The following RYR2 variants were observed in gnomAD, a reference collection of about 807,000 sequenced individuals.
RYR2 encodes the protein cardiac muscle ryanodine receptor-calcium release channel.
In RYR2, 227 loss-of-function variants were observed where a neutral mutation model predicts 601.1. That is an observed-to-expected ratio of 0.38 (90% CI 0.34 to 0.42). RYR2 has a LOEUF of 0.42. RYR2 is among the 10% of genes least tolerant of loss of function. The probability of loss-of-function intolerance (pLI) is 1.00; values close to 1 mark genes in which losing one functional copy is unlikely to be tolerated. For missense variants in RYR2, 4,646 were observed against 6,156.5 expected (o/e 0.75, Z 8.21); for synonymous variants, 2,223 against 2,175.1 (o/e 1.02, Z -0.61).
chr1:237,049,981 A>G (rs1405862340), intron 1 of RYR2, among the ~76,000 whole-genome samples: 1 of 152,182 alleles, frequency 6.6e-6, no homozygotes, highest in African/African-American at 2.4e-5. Context: ...CTCAAAGCCC[A>G]TGTGGAAGGT....
rs1553284184 is a variant in RYR2, at chr1:237,081,280, T to TTAAAAA, written c.48+38711_48+38712insTAAAAA. Among the ~76,000 whole-genome samples, 42 of 56,118 alleles carry TTAAAAA rather than the reference T, an allele frequency of 7.5e-4. 3 individuals are homozygous for TTAAAAA. The highest frequency in any genetic ancestry group is 1.2e-3 in the African/African-American group (25 of 21,320). The allele number at this position is 56,118 out of a possible 152,430, so 36.8% of individuals were successfully genotyped here. A position where few individuals can be genotyped will look rare whatever the true frequency, so the allele number is the denominator to read the frequency against. ...ATGTACCCTAAAACTTAGAGTATAA[T>TTAAAAA]AAAAAAAAAAAAAAAAAAAAAAAGA... On this transcript the variant is annotated intron_variant, in intron 1 of 104. Coordinates refer to ENST00000366574, the MANE Select transcript of RYR2 (RefSeq NM_001035.3).
chr1:237,121,347 G>A (rs1274987609), intron 1 of RYR2, among the ~76,000 whole-genome samples: 4 of 152,124 alleles, frequency 2.6e-5, no homozygotes, highest in Admixed American at 2.6e-4. Context: ...ACGGTGGCTG[G>A]CACTTTCCAA....
Position 237,633,874 on chromosome 1 carries a change from T to A in RYR2, c.6688+164T>A, listed in dbSNP as rs973160326. The stretch of plus-strand genomic sequence containing the variant: ...TATATGAAAAAATACTCGACATCAC[T>A]CATCATCAGCAAAGTGCAAATTGAA... On this transcript the variant is annotated intron_variant, in intron 43 of 104. Transcript: ENST00000366574. Among the ~76,000 whole-genome samples, 3 of 152,102 alleles carry A rather than the reference T, an allele frequency of 2.0e-5. No individual in the cohort carries two copies. In the East Asian group the frequency reaches 5.8e-4, roughly 29 times the overall value.
rs2148649347 is a variant in RYR2, at chr1:237,623,832, A to T, written c.5984A>T (p.Gln1995Leu). The change falls in exon 39 of 105, where the codon CAA becomes CTA. Residue 1995 changes from glutamine (Q) to leucine (L), a missense_variant. Gln to Leu is a moderately radical substitution (Grantham distance 113). Around this residue, in one of 17 missense-constraint regions of RYR2, gnomAD observed 170 missense variants for 184.5 expected, o/e 0.92. Coordinates refer to ENST00000366574, the MANE Select transcript of RYR2 (RefSeq NM_001035.3). The stretch of plus-strand genomic sequence containing the variant: ...CCATGTCCAGAAGAAATTCGTGACC[A>T]ACTATTGGATTTCCATGAAGATTTG... ...ECPCPEEIRDQLLDFHEDLMT... is the reference protein window; with the variant it reads ...ECPCPEEIRDLLLDFHEDLMT... The T allele has an allele frequency of 1.2e-6, 2 of 1,613,266 alleles. No individual in the cohort carries two copies. The highest frequency in any genetic ancestry group is 1.7e-6 in the Non-Finnish European group (2 of 1,179,236).
chr1:237,638,188 A>G (rs1681074025), intron 44 of RYR2, among the ~76,000 whole-genome samples, 169 bp from the exon 45 acceptor site: 1 of 152,188 alleles, frequency 6.6e-6, no homozygotes. Flanking sequence ...TCTAAAGTCT[A>G]AGGTTTTACT....
At chr1:237,080,132 G>T (rs1665450219) in intron 1 of RYR2, among the ~76,000 whole-genome samples, 1 of 42,742 alleles carries the variant, frequency 2.3e-5, no homozygotes, top group Non-Finnish European at 4.4e-5. Flanking sequence ...ATCAATTCAA[G>T]ATGGATTAAA....
intron 10 of RYR2, among the ~76,000 whole-genome samples, chr1:237,410,196 T>C (rs1461119922): frequency 6.6e-6 from 1 of 152,214 alleles, no homozygotes. Context: ...GGCTTTGTTA[T>C]GTTGAAGAAA....
At chr1:237,281,667 A>G (rs1163308870) in intron 2 of RYR2, among the ~76,000 whole-genome samples, 1 of 152,186 alleles carries the variant, frequency 6.6e-6, no homozygotes, top group Admixed American at 6.5e-5. Context: ...GACTCCCCCC[A>G]GATGGTGCAG....
intron 16 of RYR2, among the ~76,000 whole-genome samples, chr1:237,457,197 G>T (rs1032087256): frequency 2.4e-4 from 37 of 152,058 alleles, no homozygotes; most frequent in African/African-American, 8.0e-4. Flanking sequence ...AGTTAGTTCC[G>T]CAAGGGTCCC....
intron 35 of RYR2, among the ~76,000 whole-genome samples, chr1:237,607,686 G>A (rs961857064): frequency 6.6e-6 from 1 of 152,168 alleles, no homozygotes; most frequent in Non-Finnish European, 1.5e-5. Context: ...ATTTTAGTTT[G>A]GACAATTTGA....
chr1:237,183,797 C>T lies in RYR2; in HGVS notation c.49-86700C>T, dbSNP rs115659724. On this transcript the variant is annotated intron_variant, in intron 1 of 104. Transcript: ENST00000366574. ...TAGAGACTGACCTTTGCTAAAATGC[C>T]GGTGACAAGGAGACAGAGGCCAGTG... Among the ~76,000 whole-genome samples the T allele has an allele frequency of 5.9e-3, 894 of 152,160 alleles. 11 individuals are homozygous for T. The highest frequency in any genetic ancestry group is 0.019 in the African/African-American group (803 of 41,520).
At chr1:237,350,162 A>G (rs1226217748) in intron 3 of RYR2, among the ~76,000 whole-genome samples, 2 of 152,204 alleles carry the variant, frequency 1.3e-5, no homozygotes, top group Admixed American at 6.5e-5. Flanking sequence ...CTGCAATTGT[A>G]TGCTGCTCAC....
chr1:237,489,380 G>C (rs1663069353), intron 17 of RYR2, among the ~76,000 whole-genome samples: 1 of 152,116 alleles, frequency 6.6e-6, no homozygotes, highest in Non-Finnish European at 1.5e-5. Context: ...AGTCAGGCTG[G>C]GCACGGTGGC....
rs764166022 is a variant in RYR2, at chr1:237,718,445, CAT to C, written c.10495-12_10495-11del. 1.5e-6 allele frequency: 2 copies of C among 1,374,494 alleles called. No homozygotes were observed. The highest frequency in any genetic ancestry group is 2.1e-6 in the Non-Finnish European group (2 of 967,220). The allele number at this position is 1,374,494 out of a possible 1,614,324, so 85.1% of individuals were successfully genotyped here. On this transcript the variant is annotated splice_polypyrimidine_tract_variant and intron_variant, in intron 72 of 104. Coordinates refer to ENST00000366574, the MANE Select transcript of RYR2 (RefSeq NM_001035.3). ...GCAATAGAAGACTCCTTTTAGGTAA[CAT>C]ATATTTCTTGACAGAAAGATACCGA...
intron 8 of RYR2, among the ~76,000 whole-genome samples, chr1:237,380,378 A>G (rs1396794117): frequency 8.2e-5 from 1 of 12,196 alleles, no homozygotes; most frequent in African/African-American, 2.8e-4. Context: ...ATATATATAT[A>G]TATATATATA....
intron 58 of RYR2, among the ~76,000 whole-genome samples, chr1:237,673,854 A>G (rs1685164680): frequency 6.6e-6 from 1 of 152,214 alleles, no homozygotes; most frequent in Non-Finnish European, 1.5e-5. Context: ...ACTTAGTATT[A>G]CAAATGCATG....
chr1:237,724,078 C>T (rs1305534062), intron 74 of RYR2, among the ~76,000 whole-genome samples: 3 of 151,344 alleles, frequency 2.0e-5, no homozygotes, highest in African/African-American at 7.3e-5. Context: ...GCTCTTATGA[C>T]AGATCATACT....
chr1:237,145,190 G>A (rs1351474190), intron 1 of RYR2, among the ~76,000 whole-genome samples: 1 of 151,554 alleles, frequency 6.6e-6, no homozygotes, highest in Non-Finnish European at 1.5e-5. Flanking sequence ...TGCACGTTTT[G>A]CACATGTACC....
At chr1:237,481,831 AAAAAC>A (rs1373098091) in intron 17 of RYR2, among the ~76,000 whole-genome samples, 2 of 147,826 alleles carry the variant, frequency 1.4e-5, no homozygotes, top group African/African-American at 5.2e-5. Context: ...AAAAAAAAAA[AAAAAC>A]CACCTCCCAA....
Sources: allele counts gnomAD v4.1 joint callset (sites outside exome capture counted in the v4.1 genomes callset), GRCh38; gene constraint gnomAD v4.1.1; regional missense constraint gnomAD v4.1.1; transcripts MANE v1.5; gene names NCBI Gene and HGNC (gene_info 2026-07-23, HGNC 2026-07-21).